DHCR7: variants seen among roughly 807,000 people sequenced by gnomAD.
DHCR7 encodes 7-DHC reductase.
Under a neutral mutation model 43.3 loss-of-function variants are expected in DHCR7, and 40 were observed. The observed-to-expected ratio is 0.92, with a 90% CI of 0.72 to 1.20. The LOEUF is 1.20. Among genes scored for constraint, DHCR7 ranks in the 50% most tolerant of loss-of-function variants. The probability of loss-of-function intolerance (pLI) is 0.00; values close to 1 mark genes in which losing one functional copy is unlikely to be tolerated. For synonymous variants in DHCR7, 298 were observed against 271.4 expected (o/e 1.10, Z -0.96); for missense variants, 608 against 644.6 (o/e 0.94, Z 0.62).
rs369040890 is a variant in DHCR7, at chr11:71,445,035, T to A, written c.-6-77A>T. On this transcript the variant is annotated intron_variant, in intron 2 of 8. Coordinates refer to ENST00000355527, the MANE Select transcript of DHCR7 (RefSeq NM_001360.3). ...CTTTCCCTGTTGCATCCACCACTGCTCCTGGGCCTGGCAGGGCTGGCCTCC... is the reference window on the plus strand; with the variant it reads ...CTTTCCCTGTTGCATCCACCACTGCACCTGGGCCTGGCAGGGCTGGCCTCC... 2.7e-5 allele frequency: 35 copies of A among 1,306,458 alleles called. No individual in the cohort carries two copies. The South Asian group carries it at 3.9e-4, about 15-fold the overall frequency. 80.9% of individuals were successfully genotyped at this position (1,306,458 alleles called of 1,614,324 possible).
chr11:71,442,167 A>G (rs1949354646), intron 5 of DHCR7, 96 bp downstream of exon 5: 2 of 951,064 alleles, frequency 2.1e-6, no homozygotes, highest in African/African-American at 1.6e-5. Context: ...CTATCCTGTG[A>G]CAAGTCTTAG....
intron 2 of DHCR7, 104 bp from the exon 3 acceptor site, chr11:71,445,062 G>T: frequency 1.1e-6 from 1 of 916,544 alleles, no homozygotes; most frequent in Non-Finnish European, 1.8e-6. Context: ...CTGGCCTCCT[G>T]TGCACATCTT....
chr11:71,439,472 C>T (rs555727188), intron 6 of DHCR7, among the ~76,000 whole-genome samples: 3 of 152,348 alleles, frequency 2.0e-5, no homozygotes, highest in East Asian at 1.9e-4. Flanking sequence ...ACTGAGATTA[C>T]GTTCTGGGGC....
chr11:71,445,403 T>C (rs944218927), intron 2 of DHCR7, among the ~76,000 whole-genome samples: 1 of 152,254 alleles, frequency 6.6e-6, no homozygotes, highest in African/African-American at 2.4e-5. Context: ...TCAGGGCTCA[T>C]GTAAAATGTC....
At position 71,434,747 on chromosome 11, in the gene DHCR7, C is replaced by T. The variant is rs1323527077; in HGVS notation, c.*628G>A. The stretch of plus-strand genomic sequence containing the variant: ...GGCCACAGCCGGTGCTGGGACCTCT[C>T]TGAGGTCTGCAGACTCCAGGCAGAG... On this transcript the variant is annotated 3_prime_UTR_variant, in exon 9 of 9. Coordinates refer to ENST00000355527, the MANE Select transcript of DHCR7 (RefSeq NM_001360.3). 1 of 254,886 alleles carries T rather than the reference C, an allele frequency of 3.9e-6. No individual in the cohort carries two copies. Among genetic ancestry groups the T allele is most frequent in the Non-Finnish European group, 7.8e-6 (1 of 128,174 alleles). The allele number at this position is 254,886 out of a possible 1,614,324, so 15.8% of individuals were successfully genotyped here.
upstream of DHCR7, chr11:71,448,461 C>T (rs1288654476): frequency 6.6e-6 from 1 of 152,294 alleles, no homozygotes; most frequent in Non-Finnish European, 1.5e-5. Flanking sequence ...ACCCTGCACG[C>T]CCGGCGGCTC....
chr11:71,430,788 C>G (rs1296705504), downstream of DHCR7, among the ~76,000 whole-genome samples: 2 of 152,244 alleles, frequency 1.3e-5, no homozygotes, highest in African/African-American at 4.8e-5. Context: ...CTCCCCTCTA[C>G]TGAATGAGTC....
At chr11:71,437,712 G>T (rs761516592) in intron 8 of DHCR7, 100 bp downstream of exon 8, 16 of 1,537,844 alleles carry the variant, frequency 1.0e-5, no homozygotes, top group Non-Finnish European at 1.4e-5. Context: ...AGAAACAGGG[G>T]GCAGCTTTGG....
chr11:71,430,790 G>A (rs1227768086), downstream of DHCR7, among the ~76,000 whole-genome samples: 1 of 152,192 alleles, frequency 6.6e-6, no homozygotes, highest in Non-Finnish European at 1.5e-5. Context: ...CCCCTCTACT[G>A]AATGAGTCTG....
intron 2 of DHCR7, among the ~76,000 whole-genome samples, chr11:71,447,409 G>A (rs1259847662): frequency 1.3e-5 from 2 of 152,188 alleles, no homozygotes; most frequent in Non-Finnish European, 2.9e-5. Flanking sequence ...ATTGAGTTGT[G>A]CAATAAACAT....
Position 71,434,957 on chromosome 11 carries a change from C to A in DHCR7, c.*418G>T. The A allele has an allele frequency of 2.6e-6, 1 of 383,042 alleles. No individual in the cohort carries two copies. Among genetic ancestry groups the A allele is most frequent in the East Asian group, 7.1e-5 (1 of 14,160 alleles). The allele number at this position is 383,042 out of a possible 1,614,324, so 23.7% of individuals were successfully genotyped here. A position where few individuals can be genotyped will look rare whatever the true frequency, so the allele number is the denominator to read the frequency against. ...AAAGGCAATACATGGATAACGCGCA[C>A]GCCCCACTCCCACTTTTATTTAGCA... is the stretch of plus-strand genomic sequence containing the variant. On this transcript the variant is annotated 3_prime_UTR_variant, in exon 9 of 9. Transcript: ENST00000355527.
intron 8 of DHCR7, among the ~76,000 whole-genome samples, chr11:71,437,400 G>A (rs907941688): frequency 1.1e-4 from 16 of 152,188 alleles, no homozygotes; most frequent in Admixed American, 9.2e-4. Context: ...GGCTGCTCTC[G>A]TTGAGCTGGG....
chr11:71,438,775 T>C, intron 7 of DHCR7, 104 bp downstream of exon 7: 1 of 1,272,006 alleles, frequency 7.9e-7, no homozygotes, highest in Non-Finnish European at 1.1e-6. Context: ...GCTGACTCTC[T>C]TTTACAAGCA....
chr11:71,441,309 ACAG>A lies in DHCR7; in HGVS notation c.541_543del (p.Leu181del). On this transcript the variant is annotated inframe_deletion, in exon 6 of 9. Transcript: ENST00000355527. Reference sequence around the variant, plus strand: ...GCATAGCCAAGGATGTTGGCGCACCACAGCAGTGGGATCCAGTTGTCGAAGATG... The same window carrying A: ...GCATAGCCAAGGATGTTGGCGCACCACAGTGGGATCCAGTTGTCGAAGATG... The A allele has an allele frequency of 6.2e-7, 1 of 1,614,220 alleles. No individual in the cohort carries two copies.
In DHCR7 at chr11:71,444,250, C is replaced by A. The variant is rs757287432; in HGVS notation, c.99-35G>T. On this transcript the variant is annotated intron_variant, in intron 3 of 8. Transcript: ENST00000355527. ...CGGATGCAGGCAGTCACACTGGGGCCCATCTGCCCTGGGCCCCACCAGGAC... is the reference window on the plus strand; with the variant it reads ...CGGATGCAGGCAGTCACACTGGGGCACATCTGCCCTGGGCCCCACCAGGAC... 4.2e-5 allele frequency: 65 copies of A among 1,532,754 alleles called. No individual in the cohort carries two copies. In the South Asian group the frequency reaches 4.8e-4, roughly 11 times the overall value. 94.9% of individuals were successfully genotyped at this position (1,532,754 alleles called of 1,614,324 possible). A position where few individuals can be genotyped will look rare whatever the true frequency, so the allele number is the denominator to read the frequency against.
At chr11:71,437,456 C>G (rs1264372633) in intron 8 of DHCR7, among the ~76,000 whole-genome samples, 1 of 152,118 alleles carries the variant, frequency 6.6e-6, no homozygotes, top group Non-Finnish European at 1.5e-5. Context: ...ACTTGCTATC[C>G]CCTACTGTCC....
In DHCR7 at chr11:71,435,300, T is replaced by G; in HGVS notation, c.*75A>C. The G allele has an allele frequency of 6.6e-7, 1 of 1,504,860 alleles. No homozygotes were observed. Among genetic ancestry groups the G allele is most frequent in the Non-Finnish European group, 9.2e-7 (1 of 1,091,486 alleles). The allele number at this position is 1,504,860 out of a possible 1,614,324, so 93.2% of individuals were successfully genotyped here. Reference sequence around the variant, plus strand: ...AAACTGAGGCTCCTCGAGTTGGAGCTGGGATGCCAGCCCCCATGGACCTGG... The same window carrying G: ...AAACTGAGGCTCCTCGAGTTGGAGCGGGGATGCCAGCCCCCATGGACCTGG... On this transcript the variant is annotated 3_prime_UTR_variant, in exon 9 of 9. Transcript: ENST00000355527.
In DHCR7 at chr11:71,438,876, C is replaced by A; in HGVS notation, c.831+3G>T. On this transcript the variant is annotated splice_donor_region_variant and intron_variant, in intron 7 of 8. Coordinates refer to ENST00000355527, the MANE Select transcript of DHCR7 (RefSeq NM_001360.3). ...TTTCACCCTCTCCAGCCATGACAGG[C>A]ACCTGCAGGACGTTGACCAGGACCA... is the stretch of plus-strand genomic sequence containing the variant. The A allele has an allele frequency of 1.9e-6, 3 of 1,613,650 alleles. No individual in the cohort carries two copies. In the South Asian group the frequency reaches 3.3e-5, roughly 18 times the overall value.
At chr11:71,439,573 G>A (rs991272934) in intron 6 of DHCR7, among the ~76,000 whole-genome samples, 1 of 152,144 alleles carries the variant, frequency 6.6e-6, no homozygotes, top group East Asian at 1.9e-4. Flanking sequence ...AATGACAAAC[G>A]CACCCTGGGC....
Sources: allele counts gnomAD v4.1 joint callset (sites outside exome capture counted in the v4.1 genomes callset), GRCh38; gene constraint gnomAD v4.1.1; transcripts MANE v1.5; gene names NCBI Gene and HGNC (gene_info 2026-07-23, HGNC 2026-07-21).